CAMTA1: variants seen among roughly 807,000 people sequenced by gnomAD.
CAMTA1 encodes calmodulin binding transcription activator 1.
CAMTA1 carries 27 observed loss-of-function variants against 170.9 expected under a neutral mutation model. That is an observed-to-expected ratio of 0.16 (90% CI 0.12 to 0.22). The LOEUF (loss-of-function observed/expected upper bound fraction) is 0.22, where lower values mean the gene tolerates loss of function less well. Ranked by LOEUF, CAMTA1 falls within the 10% of genes least tolerant of loss-of-function variation. CAMTA1 has a pLI of 1.00. For synonymous variants in CAMTA1, 833 were observed against 891.5 expected (o/e 0.93, Z 1.17); for missense variants, 1,619 against 2,217.2 (o/e 0.73, Z 5.42).
At chr1:7,027,158 G>A (rs550310814) in intron 3 of CAMTA1, among the ~76,000 whole-genome samples, 1 of 152,128 alleles carries the variant, frequency 6.6e-6, no homozygotes, top group South Asian at 2.1e-4. Context: ...GTTGAAGAAG[G>A]GTCAGTGATA....
At chr1:7,628,280 A>G (rs1389394091) in intron 6 of CAMTA1, among the ~76,000 whole-genome samples, 2 of 152,186 alleles carry the variant, frequency 1.3e-5, no homozygotes, top group Admixed American at 6.5e-5. Flanking sequence ...AGTGACTCCA[A>G]CCAAAGCCTA....
intron 4 of CAMTA1, among the ~76,000 whole-genome samples, chr1:7,181,213 T>C (rs921274651): frequency 2.0e-5 from 3 of 152,138 alleles, no homozygotes; most frequent in Non-Finnish European, 2.9e-5. Context: ...TGATATATCA[T>C]TGAAGAAAAT....
rs1463342478 is a variant in CAMTA1 at position 7,216,641 on chromosome 1, G to A, written c.303-32850G>A. On this transcript the variant is annotated intron_variant, in intron 4 of 22. Coordinates refer to ENST00000303635, the MANE Select transcript of CAMTA1 (RefSeq NM_015215.4). This position sits in a 1 kb window ranked among gnomAD's most constrained non-coding sequence, Gnocchi z 4.0. ...TCCTTGTGCCTCAGCCTCCCGAATGGCTGAGACTACAGGCAGGTACCACCA... is the reference window on the plus strand; with the variant it reads ...TCCTTGTGCCTCAGCCTCCCGAATGACTGAGACTACAGGCAGGTACCACCA... 6.6e-6 allele frequency among the ~76,000 whole-genome samples: 1 copy of A among 152,050 alleles called. No homozygotes were observed. The highest frequency in any genetic ancestry group is 1.5e-5 in the Non-Finnish European group (1 of 68,002).
intron 1 of CAMTA1, among the ~76,000 whole-genome samples, chr1:6,805,511 G>C (rs1247226845): frequency 6.6e-6 from 1 of 152,008 alleles, no homozygotes; most frequent in Non-Finnish European, 1.5e-5. Context: ...TTGTCTTTTC[G>C]CTTTTGTTTT....
At chr1:7,566,581 GA>G (rs776148134) in intron 6 of CAMTA1, among the ~76,000 whole-genome samples, 7 of 152,090 alleles carry the variant, frequency 4.6e-5, no homozygotes, top group Non-Finnish European at 8.8e-5. Flanking sequence ...CCAGCTCCAA[GA>G]AAATCACATG....
intron 3 of CAMTA1, among the ~76,000 whole-genome samples, chr1:7,018,036 C>A (rs1485507248): frequency 6.6e-6 from 1 of 151,806 alleles, no homozygotes; most frequent in East Asian, 1.9e-4. Flanking sequence ...GATCTTGGCT[C>A]GCTGCAGCCT....
At chr1:7,719,218 C>A (rs1247554330) in intron 11 of CAMTA1, among the ~76,000 whole-genome samples, 1 of 152,056 alleles carries the variant, frequency 6.6e-6, no homozygotes, top group East Asian at 1.9e-4. Flanking sequence ...GTGGAGGTGC[C>A]GTCGGTGCCT....
chr1:7,611,888 A>G (rs577409829), intron 6 of CAMTA1, among the ~76,000 whole-genome samples: 4 of 152,156 alleles, frequency 2.6e-5, no homozygotes, highest in African/African-American at 9.7e-5. Context: ...GAAATGGGAG[A>G]GTTCCCTGAC....
intron 6 of CAMTA1, among the ~76,000 whole-genome samples, chr1:7,560,767 A>G (rs772050997): frequency 1.3e-5 from 2 of 152,088 alleles, no homozygotes; most frequent in Non-Finnish European, 1.5e-5. Context: ...CTTTGGTGCC[A>G]TCAGCAAAGA....
Position 7,744,866 on chromosome 1 carries a change from T to G in CAMTA1, c.4214T>G (p.Ile1405Ser). 6.2e-7 allele frequency: 1 copy of G among 1,613,976 alleles called. No individual in the cohort carries two copies. The highest frequency in any genetic ancestry group is 8.5e-7 in the Non-Finnish European group (1 of 1,179,946). ...VNMMTLAEHI[I>S]EATPDRIKQE... is the part of the protein sequence containing the mutation. ...ATGATGACCTTGGCAGAACACATTATTGAAGCCACACCTGACCGAATCAAG... is the reference window on the plus strand; with the variant it reads ...ATGATGACCTTGGCAGAACACATTAGTGAAGCCACACCTGACCGAATCAAG... The change falls in exon 17 of 23, where the codon ATT becomes AGT. Residue 1405 changes from isoleucine (I) to serine (S), a missense_variant. This residue lies in a region of CAMTA1 where 370 missense variants were observed against 429.4 expected (regional missense o/e 0.86). Transcript: ENST00000303635.
At chr1:6,978,565 C>T (rs942908976) in intron 3 of CAMTA1, among the ~76,000 whole-genome samples, 8 of 151,846 alleles carry the variant, frequency 5.3e-5, no homozygotes, top group African/African-American at 1.2e-4. Context: ...ACCCAGGAGT[C>T]GGAGGTTGCA....
chr1:7,452,759 T>C (rs1224908713), intron 5 of CAMTA1, among the ~76,000 whole-genome samples: 1 of 152,266 alleles, frequency 6.6e-6, no homozygotes, highest in African/African-American at 2.4e-5. Flanking sequence ...TTTGCTTACC[T>C]CTTCCTCTGC....
intron 3 of CAMTA1, among the ~76,000 whole-genome samples, chr1:7,038,029 G>T (rs563193387): frequency 6.6e-6 from 1 of 152,062 alleles, no homozygotes; most frequent in South Asian, 2.1e-4. Flanking sequence ...ACCTCTCGAG[G>T]CCTCAGTTTC....
chr1:6,983,919 G>A lies in CAMTA1; in HGVS notation c.235-107385G>A, dbSNP rs373879718. ...GGGTGGATTGATGATTGGGTGGGTGGGTAAATGGGTGGATGGGTGGGTGGA... is the reference window on the plus strand; with the variant it reads ...GGGTGGATTGATGATTGGGTGGGTGAGTAAATGGGTGGATGGGTGGGTGGA... On this transcript the variant is annotated intron_variant, in intron 3 of 22. Coordinates refer to ENST00000303635, the MANE Select transcript of CAMTA1 (RefSeq NM_015215.4). Among the ~76,000 whole-genome samples the A allele has an allele frequency of 3.7e-4, 53 of 143,974 alleles. 1 individual carries two copies. The East Asian group carries it at 9.3e-3, about 25-fold the overall frequency. The allele number at this position is 143,974 out of a possible 152,430, so 94.5% of individuals were successfully genotyped here.
chr1:7,605,477 C>A (rs951225137), intron 6 of CAMTA1, among the ~76,000 whole-genome samples: 1 of 152,246 alleles, frequency 6.6e-6, no homozygotes, highest in African/African-American at 2.4e-5. Flanking sequence ...GTAGGACCCT[C>A]TGAGCCATGT....
intron 4 of CAMTA1, among the ~76,000 whole-genome samples, chr1:7,208,411 G>T (rs1166245618): frequency 6.8e-6 from 1 of 146,846 alleles, no homozygotes; most frequent in Non-Finnish European, 1.5e-5. Context: ...TTGAGTATTG[G>T]GTACCTTATT....
At chr1:7,171,949 C>T (rs1397901174) in intron 4 of CAMTA1, among the ~76,000 whole-genome samples, 1 of 152,192 alleles carries the variant, frequency 6.6e-6, no homozygotes, top group African/African-American at 2.4e-5. Flanking sequence ...GTGCTTAGTT[C>T]CTCTTCGTGG....
In CAMTA1 at chr1:7,091,315, T is replaced by G. The variant is rs755452751; in HGVS notation, c.246T>G (p.Ala82=). ...HRWNTNEEIA[A]YLITFEKHEE... is the part of the protein sequence containing the mutation. Reference sequence around the variant, plus strand: ...TTCTTCTGTTTCAGGAAATTGCAGCTTATTTAATAACATTTGAGAAACACG... The same window carrying G: ...TTCTTCTGTTTCAGGAAATTGCAGCGTATTTAATAACATTTGAGAAACACG... Residue 82 remains alanine, a synonymous_variant, in exon 4 of 23, where the codon GCT becomes GCG. Coordinates refer to ENST00000303635, the MANE Select transcript of CAMTA1 (RefSeq NM_015215.4). 1 of 1,609,540 alleles carries G rather than the reference T, an allele frequency of 6.2e-7. No individual in the cohort carries two copies. Among genetic ancestry groups the G allele is most frequent in the Non-Finnish European group, 8.5e-7 (1 of 1,175,772 alleles).
At position 6,940,712 on chromosome 1, in the gene CAMTA1, G is replaced by C. The variant is rs571223446; in HGVS notation, c.234+115502G>C. ...TAAGGACTCTAGGGGCAATAGAAAC[G>C]AGGGCCTCAGTGTGCACTGGGGATT... On this transcript the variant is annotated intron_variant, in intron 3 of 22. Coordinates refer to ENST00000303635, the MANE Select transcript of CAMTA1 (RefSeq NM_015215.4). 3.3e-5 allele frequency among the ~76,000 whole-genome samples: 5 copies of C among 152,194 alleles called. No homozygotes were observed. The East Asian group carries it at 9.7e-4, about 30-fold the overall frequency.
Sources: gnomAD v4.1 joint callset for allele counts (sites outside exome capture counted in the v4.1 genomes callset) on GRCh38, gnomAD v4.1.1 for gene constraint, gnomAD v4.1.1 regional missense constraint, Gnocchi (gnomAD v3.1) non-coding constraint, MANE v1.5 for transcripts, NCBI Gene and HGNC (gene_info 2026-07-23, HGNC 2026-07-21) for gene names.